MSRA: variants seen among roughly 807,000 people sequenced by gnomAD.
MSRA encodes mitochondrial peptide methionine sulfoxide reductase.
Under a neutral mutation model 31.3 loss-of-function variants are expected in MSRA, and 54 were observed. The observed-to-expected ratio is 1.73, with a 90% CI of 1.39 to 2.17. The LOEUF is 2.17. Among genes scored for constraint, MSRA ranks in the 30% most tolerant of loss-of-function variants. The pLI is 0.00. For missense variants in MSRA, 507 were observed against 300.9 expected, an observed-to-expected ratio of 1.69 and a Z score of -5.07; for synonymous variants, 169 against 116.5, an observed-to-expected ratio of 1.45 and a Z score of -2.90.
chr8:10,377,926 C>T lies in MSRA; in HGVS notation c.544-50222C>T, dbSNP rs79652997. On this transcript the variant is annotated intron_variant, in intron 5 of 5. Transcript: ENST00000317173. ...GGCCCCCGTGATCCAGGAGGGACTG[C>T]GCTTGAGCTTAGGTGATGGCAGCAG... 1.5e-3 allele frequency among the ~76,000 whole-genome samples: 232 copies of T among 152,334 alleles called. 2 individuals are homozygous for T. The highest frequency in any genetic ancestry group is 5.0e-3 in the African/African-American group (208 of 41,580).
At position 10,346,681 on chromosome 8, in the gene MSRA, C is replaced by T. The variant is rs1050932273; in HGVS notation, c.543+26692C>T. 3.9e-5 allele frequency among the ~76,000 whole-genome samples: 6 copies of T among 152,200 alleles called. No individual in the cohort carries two copies. In the East Asian group the frequency reaches 9.6e-4, roughly 24 times the overall value. On this transcript the variant is annotated intron_variant, in intron 5 of 5. Transcript: ENST00000317173. ...CCTGGGGAAGTTGCAGACAGGCTAA[C>T]AAGATGCGGGGAATCTTGTGTAATA...
chr8:10,414,525 A>C (rs557606907), intron 5 of MSRA, among the ~76,000 whole-genome samples: 2 of 152,076 alleles, frequency 1.3e-5, no homozygotes, highest in Non-Finnish European at 2.9e-5. Context: ...ACACTTGGCC[A>C]CTCTGTCAAC....
intron 1 of MSRA, among the ~76,000 whole-genome samples, chr8:10,066,084 A>G (rs1797441671): frequency 6.6e-6 from 1 of 151,982 alleles, no homozygotes; most frequent in Admixed American, 6.6e-5. Context: ...GTGCAGTGGC[A>G]TGATCTCGGC....
rs62488737 is a variant in MSRA, at chr8:10,151,543, G to T, written c.143-56290G>T. On this transcript the variant is annotated intron_variant, in intron 1 of 5. Transcript: ENST00000317173. Reference sequence around the variant, plus strand: ...CAGGTGCCTGTAGTCCCAGCTACTCGGGAGGCTGAGCCAGGAGAATGGTGT... The same window carrying T: ...CAGGTGCCTGTAGTCCCAGCTACTCTGGAGGCTGAGCCAGGAGAATGGTGT... 4.8e-3 allele frequency among the ~76,000 whole-genome samples: 724 copies of T among 152,218 alleles called. 3 individuals are homozygous for T. The highest frequency in any genetic ancestry group is 7.0e-3 in the Non-Finnish European group (474 of 68,016).
chr8:10,158,601 A>G (rs537804043), intron 1 of MSRA, among the ~76,000 whole-genome samples: 1 of 152,340 alleles, frequency 6.6e-6, no homozygotes, highest in South Asian at 2.1e-4. Flanking sequence ...CCATAATTGT[A>G]TGGAGACACC....
intron 4 of MSRA, among the ~76,000 whole-genome samples, chr8:10,308,245 A>G (rs989649354): frequency 1.3e-5 from 2 of 152,194 alleles, no homozygotes; most frequent in African/African-American, 2.4e-5. Context: ...GCCTTCAACT[A>G]TAAGCTGGTG....
intron 1 of MSRA, among the ~76,000 whole-genome samples, chr8:10,183,823 C>G (rs1483062355): frequency 1.4e-5 from 2 of 147,866 alleles, no homozygotes; most frequent in Admixed American, 6.7e-5. Context: ...GCTGCTGCTG[C>G]TGCTGCTGGT....
intron 5 of MSRA, among the ~76,000 whole-genome samples, chr8:10,406,146 G>C (rs891963284): frequency 6.6e-6 from 1 of 152,244 alleles, no homozygotes; most frequent in Non-Finnish European, 1.5e-5. Context: ...CGACTCCCAG[G>C]CTCACACACT....
chr8:10,176,167 C>T lies in MSRA; in HGVS notation c.143-31666C>T, dbSNP rs570074543. 3.3e-5 allele frequency among the ~76,000 whole-genome samples: 5 copies of T among 152,324 alleles called. No individual in the cohort carries two copies. The East Asian group carries it at 9.6e-4, about 29-fold the overall frequency. The stretch of plus-strand genomic sequence containing the variant: ...GTTTGAAACGATCTCAAATTCATCT[C>T]TCTTTGCCATATGTTAAAATGTCAC... On this transcript the variant is annotated intron_variant, in intron 1 of 5. Coordinates refer to ENST00000317173, the MANE Select transcript of MSRA (RefSeq NM_012331.5).
chr8:10,408,226 C>A (rs1807940106), intron 5 of MSRA, among the ~76,000 whole-genome samples: 2 of 152,168 alleles, frequency 1.3e-5, no homozygotes, highest in African/African-American at 4.8e-5. Flanking sequence ...GACTTTACAT[C>A]TGCATAGTGA....
chr8:10,335,111 C>T (rs556315891), intron 5 of MSRA, among the ~76,000 whole-genome samples: 1 of 152,360 alleles, frequency 6.6e-6, no homozygotes, highest in Admixed American at 6.5e-5. Context: ...GCACCGTGCG[C>T]CCCACCCAGC....
intron 5 of MSRA, among the ~76,000 whole-genome samples, chr8:10,424,298 A>C (rs1041733743): frequency 2.0e-5 from 3 of 152,216 alleles, no homozygotes; most frequent in African/African-American, 7.2e-5. Context: ...GAAAAGGTAG[A>C]AGATGGTGAG....
intron 1 of MSRA, among the ~76,000 whole-genome samples, chr8:10,082,593 A>G (rs532359661): frequency 1.2e-3 from 180 of 152,302 alleles, no homozygotes; most frequent in African/African-American, 4.1e-3. Flanking sequence ...TGTTTTCTCA[A>G]GCAAAGATGG....
At position 10,339,556 on chromosome 8, in the gene MSRA, T is replaced by TTTC. The variant is rs1554531885; in HGVS notation, c.543+19568_543+19569insTCT. 4.7e-3 allele frequency among the ~76,000 whole-genome samples: 469 copies of TTTC among 100,712 alleles called. 45 individuals carry two copies. Among genetic ancestry groups the TTTC allele is most frequent in the Middle Eastern group, 6.1e-3 (1 of 164 alleles). The allele number at this position is 100,712 out of a possible 152,430, so 66.1% of individuals were successfully genotyped here. A position where few individuals can be genotyped will look rare whatever the true frequency, so the allele number is the denominator to read the frequency against. ...CTTTTTTTTTTTTTTTTTTTTTTTT[T>TTTC]TCTGAGACGGAATCTCGTTCTGTCG... is the stretch of plus-strand genomic sequence containing the variant. On this transcript the variant is annotated intron_variant, in intron 5 of 5. Coordinates refer to ENST00000317173, the MANE Select transcript of MSRA (RefSeq NM_012331.5).
At chr8:10,125,995 C>T (rs1262638045) in intron 1 of MSRA, among the ~76,000 whole-genome samples, 1 of 152,204 alleles carries the variant, frequency 6.6e-6, no homozygotes, top group Non-Finnish European at 1.5e-5. Flanking sequence ...GAGTCTCCTA[C>T]AGAACTCAGC....
chr8:10,220,215 A>C (rs1810372214), intron 2 of MSRA, among the ~76,000 whole-genome samples: 1 of 152,198 alleles, frequency 6.6e-6, no homozygotes, highest in South Asian at 2.1e-4. Context: ...TCCCAGACTT[A>C]CACAAAGAAT....
rs142427352 is a variant in MSRA, at chr8:10,296,351, G to A, written c.332-5183G>A. On this transcript the variant is annotated intron_variant, in intron 3 of 5. Coordinates refer to ENST00000317173, the MANE Select transcript of MSRA (RefSeq NM_012331.5). Reference sequence around the variant, plus strand: ...TGTACGGAAACACGAAAGGTTAATAGCAATAACAATAGAAACCTCGTGTTT... The same window carrying A: ...TGTACGGAAACACGAAAGGTTAATAACAATAACAATAGAAACCTCGTGTTT... Among the ~76,000 whole-genome samples, 795 of 152,316 alleles carry A rather than the reference G, an allele frequency of 5.2e-3. 8 individuals carry two copies. The highest frequency in any genetic ancestry group is 6.3e-3 in the Admixed American group (96 of 15,300).
chr8:10,222,654 C>T (rs1275465615), intron 2 of MSRA, among the ~76,000 whole-genome samples: 2 of 152,140 alleles, frequency 1.3e-5, no homozygotes, highest in Admixed American at 6.5e-5. Context: ...ACGATTCAGT[C>T]TTAAGAAAGA....
chr8:10,172,863 T>C (rs147121380), intron 1 of MSRA, among the ~76,000 whole-genome samples: 13 of 152,144 alleles, frequency 8.5e-5, no homozygotes, highest in Admixed American at 8.5e-4. Flanking sequence ...ATAGGTGCTG[T>C]GTTACAAAGA....
Sources: gnomAD v4.1 joint callset for allele counts (sites outside exome capture counted in the v4.1 genomes callset) on GRCh38, gnomAD v4.1.1 for gene constraint, MANE v1.5 for transcripts, NCBI Gene and HGNC (gene_info 2026-07-23, HGNC 2026-07-21) for gene names.